The following STAB1 variants were observed in gnomAD, a reference collection of about 807,000 sequenced individuals.
STAB1 encodes stabilin 1, also known as stabilin-1.
A neutral mutation model predicts 332.4 loss-of-function variants in STAB1; 250 were observed. The observed-to-expected ratio is 0.75, with a 90% CI of 0.68 to 0.84. The LOEUF is 0.84. STAB1 is among the 40% of genes least tolerant of loss of function. The probability of loss-of-function intolerance (pLI) is 0.00; values close to 1 mark genes in which losing one functional copy is unlikely to be tolerated. For missense variants in STAB1, 3,249 were observed against 3,489.7 expected (o/e 0.93, Z 1.74); for synonymous variants, 1,475 against 1,390.4 (o/e 1.06, Z -1.35).
In STAB1 at chr3:52,524,464, G is replaced by A. The variant is rs181171122; in HGVS notation, c.*108G>A. On this transcript the variant is annotated 3_prime_UTR_variant, in exon 69 of 69. Transcript: ENST00000321725. ...TGAGGGCCTGTCCCAGACAATAAAG[G>A]TGCCCTCAGCGGATGTGGGCCATGT... The A allele has an allele frequency of 6.0e-3, 9,677 of 1,612,706 alleles. 72 individuals are homozygous for A. The highest frequency in any genetic ancestry group is 0.025 in the South Asian group (2,250 of 91,082).
intron 12 of STAB1, 28 bp from the exon 13 acceptor site, chr3:52,504,975 T>C: frequency 6.2e-7 from 1 of 1,613,250 alleles, no homozygotes; most frequent in Non-Finnish European, 8.5e-7. Context: ...GCATATGGGA[T>C]CTGGCCAGAC....
chr3:52,524,299 G>T lies in STAB1; in HGVS notation c.7657-1G>T. 1 of 1,613,928 alleles carries T rather than the reference G, an allele frequency of 6.2e-7. No individual in the cohort carries two copies. Among genetic ancestry groups the T allele is most frequent in the Non-Finnish European group, 8.5e-7 (1 of 1,179,992 alleles). On this transcript the variant is annotated splice_acceptor_variant, in intron 68 of 68. Transcript: ENST00000321725. LOFTEE classifies it high-confidence loss of function. ...CTCCACCACCAACCCTGCTCTTCTA[G>T]GACTCACTGCTGGAGGAGGACTTCC...
intron 49 of STAB1, 35 bp downstream of exon 49, chr3:52,519,439 G>C: frequency 6.2e-7 from 1 of 1,611,906 alleles, no homozygotes; most frequent in African/African-American, 1.3e-5. Context: ...CTGGAAGACA[G>C]GCAGGTGGGG....
rs1251850745 is a variant in STAB1 at position 52,520,942 on chromosome 3, A to G, written c.5845A>G (p.Asn1949Asp). 2 of 1,588,528 alleles carry G rather than the reference A, an allele frequency of 1.3e-6. No individual in the cohort carries two copies. Among genetic ancestry groups the G allele is most frequent in the African/African-American group, 1.3e-5 (1 of 74,142 alleles). Reference protein sequence around the residue: ...PQGLGRGCHRNCVTTTWKPSC... With the variant: ...PQGLGRGCHRDCVTTTWKPSC... ...AGGCCTGGGCAGGGGCTGCCACCGCAATTGTGTCACCACCACCTGGAAGCC... is the reference window on the plus strand; with the variant it reads ...AGGCCTGGGCAGGGGCTGCCACCGCGATTGTGTCACCACCACCTGGAAGCC... The change falls in exon 55 of 69, where the codon AAT becomes GAT. Residue 1949 changes from asparagine (N) to aspartate (D), a missense_variant. Asn to Asp is a conservative substitution (Grantham distance 23). Coordinates refer to ENST00000321725, the MANE Select transcript of STAB1 (RefSeq NM_015136.3).
Position 52,516,056 on chromosome 3 carries a change from G to A in STAB1, c.3962G>A (p.Cys1321Tyr). The A allele has an allele frequency of 6.2e-7, 1 of 1,609,868 alleles. No homozygotes were observed. The highest frequency in any genetic ancestry group is 8.5e-7 in the Non-Finnish European group (1 of 1,178,284). Residue 1321 changes from cysteine to tyrosine, a missense_variant, in exon 38 of 69, where the codon TGC (cysteine) becomes TAC (tyrosine). Physicochemically the swap from Cys to Tyr is radical, Grantham distance 194 (BLOSUM62 -2). Transcript: ENST00000321725. Reference sequence around the variant, plus strand: ...CCACGCCGACAGGTGCCGGACTGCTGCCCTGGTTTCTTTGGCACGCTGTGT... The same window carrying A: ...CCACGCCGACAGGTGCCGGACTGCTACCCTGGTTTCTTTGGCACGCTGTGT... ...CAKKIQVPDCCPGFFGTLCEP... is the reference protein window; with the variant it reads ...CAKKIQVPDCYPGFFGTLCEP...
intron 21 of STAB1, among the ~76,000 whole-genome samples, chr3:52,508,700 T>A (rs1253274597): frequency 1.3e-5 from 2 of 152,068 alleles, no homozygotes; most frequent in Non-Finnish European, 2.9e-5. Flanking sequence ...CACACACCTG[T>A]AATCCCAGCT....
chr3:52,509,393 C>G (rs1709125811), intron 22 of STAB1, 72 bp downstream of exon 22: 1 of 1,366,492 alleles, frequency 7.3e-7, no homozygotes. Context: ...TGGGGGCTCT[C>G]AAGAAGGGAA....
At chr3:52,509,733 A>G (rs1691405733) in intron 22 of STAB1, 137 bp from the exon 23 acceptor site, 5 of 861,910 alleles carry the variant, frequency 5.8e-6, no homozygotes, top group East Asian at 2.7e-5. Context: ...TGAGTCTGAG[A>G]TAACCTCTGA....
chr3:52,522,597 C>A lies in STAB1; in HGVS notation c.6653C>A (p.Pro2218His). ...TTCCACCTCCAGGCCACCAGCGGCC[C>A]TTATGGTCTGAACTTTTCGGAGGCT... ...GVFHLQATSG[P>H]YGLNFSEAEA... The change falls in exon 61 of 69, where the codon CCT becomes CAT. Residue 2218 changes from proline (P) to histidine (H), a missense_variant. Physicochemically the swap from Pro to His is moderately conservative, Grantham distance 77. Transcript: ENST00000321725. The A allele has an allele frequency of 1.9e-6, 3 of 1,613,036 alleles. No individual in the cohort carries two copies. The highest frequency in any genetic ancestry group is 2.2e-5 in the East Asian group (1 of 44,888).
chr3:52,514,183 C>T lies in STAB1; in HGVS notation c.3516C>T (p.Ser1172=), dbSNP rs780733710. 10 of 1,613,220 alleles carry T rather than the reference C, an allele frequency of 6.2e-6. No homozygotes were observed. Among genetic ancestry groups the T allele is most frequent in the South Asian group, 1.1e-5 (1 of 91,090 alleles). Residue 1172 remains serine (S), a synonymous_variant, in exon 33 of 69, where the codon TCC becomes TCT. Coordinates refer to ENST00000321725, the MANE Select transcript of STAB1 (RefSeq NM_015136.3). ...AYTIFVPTNR[S]LEAQGNSSHL... Reference sequence around the variant, plus strand: ...CCATCTTTGTGCCCACCAACCGCTCCCTGGAGGCCCAGGGCAACAGCAGTC... The same window carrying T: ...CCATCTTTGTGCCCACCAACCGCTCTCTGGAGGCCCAGGGCAACAGCAGTC...
In STAB1 at chr3:52,518,279, G is replaced by A. The variant is rs776534318; in HGVS notation, c.4762-33G>A. On this transcript the variant is annotated intron_variant, in intron 45 of 68. Transcript: ENST00000321725. The stretch of plus-strand genomic sequence containing the variant: ...AGGCACCAGGCCCTGAATGGGGGCC[G>A]CCCCAAATCTGAGCTGACCCTCGCC... 10 of 1,609,716 alleles carry A rather than the reference G, an allele frequency of 6.2e-6. No homozygotes were observed. The East Asian group carries it at 6.7e-5, about 11-fold the overall frequency.
Position 52,495,581 on chromosome 3 carries a change from G to T in STAB1, c.78+90G>T, listed in dbSNP as rs1277780156. On this transcript the variant is annotated intron_variant, in intron 1 of 68. Coordinates refer to ENST00000321725, the MANE Select transcript of STAB1 (RefSeq NM_015136.3). ...GGAGGGACTGACATGGAGGGGCAGG[G>T]GCCTGGGGAGAAACCGCAGCTGGCG... 4 of 1,167,394 alleles carry T rather than the reference G, an allele frequency of 3.4e-6. No individual in the cohort carries two copies. In the East Asian group the frequency reaches 1.3e-4, roughly 37 times the overall value. The allele number at this position is 1,167,394 out of a possible 1,614,324, so 72.3% of individuals were successfully genotyped here. A position where few individuals can be genotyped will look rare whatever the true frequency, so the allele number is the denominator to read the frequency against.
At chr3:52,521,802 C>A in intron 57 of STAB1, 42 bp from the exon 58 acceptor site, 1 of 1,594,128 alleles carries the variant, frequency 6.3e-7, no homozygotes. Flanking sequence ...GCCAGGAAGG[C>A]AACTACTAAC....
At position 52,504,747 on chromosome 3, in the gene STAB1, T is replaced by TG. The variant is rs1708722037; in HGVS notation, c.1249dup (p.Ala417GlyfsTer6). On this transcript the variant is annotated frameshift_variant, in exon 12 of 69. Coordinates refer to ENST00000321725, the MANE Select transcript of STAB1 (RefSeq NM_015136.3). LOFTEE classifies it high-confidence loss of function. Reference sequence around the variant, plus strand: ...CCGCCTTGCGTCTGCAGGCATCCCTTGCCCAGCAGCTCTGTAGACAGCACA... The same window carrying TG: ...CCGCCTTGCGTCTGCAGGCATCCCTTGGCCCAGCAGCTCTGTAGACAGCACA... 6.2e-7 allele frequency: 1 copy of TG among 1,613,770 alleles called. No individual in the cohort carries two copies. Among genetic ancestry groups the TG allele is most frequent in the African/African-American group, 1.3e-5 (1 of 75,064 alleles).
rs1402457538 is a variant in STAB1, at chr3:52,519,630, A to T, written c.5235+66A>T. ...CACGTGTAAGTGTGTGCAAGTGTGT[A>T]TGCGTACCTGTGTGTGCATACCCAC... is the stretch of plus-strand genomic sequence containing the variant. On this transcript the variant is annotated intron_variant, in intron 50 of 68. Coordinates refer to ENST00000321725, the MANE Select transcript of STAB1 (RefSeq NM_015136.3). The T allele has an allele frequency of 5.6e-6, 9 of 1,597,604 alleles. No individual in the cohort carries two copies. The East Asian group carries it at 1.8e-4, about 32-fold the overall frequency.
chr3:52,507,194 G>A (rs1345399282), intron 18 of STAB1, among the ~76,000 whole-genome samples: 1 of 152,182 alleles, frequency 6.6e-6, no homozygotes, highest in Non-Finnish European at 1.5e-5. Context: ...ACAGGTGTCC[G>A]CCAACATGCC....
chr3:52,520,431 G>T lies in STAB1; in HGVS notation c.5531G>T (p.Arg1844Leu), dbSNP rs143901118. Reference sequence around the variant, plus strand: ...CTCATGGTGGGTGAGGATGATGCTCGCATTGTGCAGCGGCACTTGCCCTTT... The same window carrying T: ...CTCATGGTGGGTGAGGATGATGCTCTCATTGTGCAGCGGCACTTGCCCTTT... ...GELMVGEDDA[R>L]IVQRHLPFEG... Residue 1844 changes from arginine (R) to leucine (L), a missense_variant, in exon 53 of 69, where the codon CGC (arginine) becomes CTC (leucine). By Grantham distance (102) the Arg-to-Leu change is moderately radical. Transcript: ENST00000321725. The T allele has an allele frequency of 3.3e-5, 54 of 1,612,242 alleles. No homozygotes were observed. Among genetic ancestry groups the T allele is most frequent in the Non-Finnish European group, 4.2e-5 (50 of 1,179,552 alleles).
intron 5 of STAB1, among the ~76,000 whole-genome samples, 190 bp downstream of exon 5, chr3:52,502,418 G>A (rs531848612): frequency 1.3e-5 from 2 of 152,330 alleles, no homozygotes; most frequent in East Asian, 3.9e-4. Context: ...ACTCCCCTGA[G>A]AGGCCTTCTC....
In STAB1 at chr3:52,513,888, A is replaced by C; in HGVS notation, c.3354A>C (p.Leu1118Phe). 1.2e-6 allele frequency: 2 copies of C among 1,605,324 alleles called. No homozygotes were observed. The highest frequency in any genetic ancestry group is 1.7e-6 in the Non-Finnish European group (2 of 1,173,744). ...NGVLHILSQV[L>F]LPPRGDVPGG... is the part of the protein sequence containing the mutation. ...GGCCCTGTGCTCTGTACCAGGTCTT[A>C]CTGCCCCCCCGAGGGGATGTGCCCG... The change falls in exon 32 of 69, where the codon TTA becomes TTC. Residue 1118 changes from leucine to phenylalanine, a missense_variant. By Grantham distance (22) the Leu-to-Phe change is conservative. Transcript: ENST00000321725.
Sources: allele counts gnomAD v4.1 joint callset (sites outside exome capture counted in the v4.1 genomes callset), GRCh38; gene constraint gnomAD v4.1.1; transcripts MANE v1.5; gene names NCBI Gene and HGNC (gene_info 2026-07-23, HGNC 2026-07-21).